The following STARD9 variants were observed in gnomAD, a reference collection of about 807,000 sequenced individuals.
The protein encoded by STARD9 is stAR-related lipid transfer protein 9.
STARD9 carries 346 observed loss-of-function variants against 399.8 expected under a neutral mutation model. The ratio of observed to expected loss-of-function variants is 0.87; its 90% CI spans 0.79 to 0.95. The LOEUF is 0.95. Among genes scored for constraint, STARD9 ranks in the 40% least tolerant of loss-of-function variants. The pLI is 0.00. For missense variants in STARD9, 5,832 were observed against 5,667.5 expected (o/e 1.03, Z -0.93); for synonymous variants, 2,203 against 2,143.5 (o/e 1.03, Z -0.77).
At chr15:42,594,708 A>G (rs1189228029) in intron 3 of STARD9, among the ~76,000 whole-genome samples, 2 of 152,110 alleles carry the variant, frequency 1.3e-5, no homozygotes, top group Non-Finnish European at 2.9e-5. Context: ...CCTGTTGTTT[A>G]TTCTAATGGT....
chr15:42,699,975 G>C (rs1220000118), intron 26 of STARD9, among the ~76,000 whole-genome samples: 1 of 152,146 alleles, frequency 6.6e-6, no homozygotes, highest in Non-Finnish European at 1.5e-5. Flanking sequence ...TCAAAGCGTT[G>C]GGGTTACAGG....
intron 3 of STARD9, among the ~76,000 whole-genome samples, chr15:42,620,306 CTA>C (rs1491285517): frequency 1.3e-5 from 2 of 150,588 alleles, no homozygotes; most frequent in African/African-American, 2.4e-5. Context: ...TTTTCCGAGA[CTA>C]TGTCTCTACA....
chr15:42,610,880 A>G (rs1016006305), intron 3 of STARD9, among the ~76,000 whole-genome samples: 1 of 152,148 alleles, frequency 6.6e-6, no homozygotes, highest in East Asian at 1.9e-4. Flanking sequence ...TAGATTACTC[A>G]CTGTTGAGTT....
Position 42,692,862 on chromosome 15 carries a change from G to A in STARD9, c.11284G>A (p.Glu3762Lys), listed in dbSNP as rs1312294478. The A allele has an allele frequency of 2.0e-6, 3 of 1,537,244 alleles. No homozygotes were observed. The highest frequency in any genetic ancestry group is 2.6e-6 in the Non-Finnish European group (3 of 1,146,908). Reference protein sequence around the residue: ...AEPQGANVILEGLGSDTSTVS... With the variant: ...AEPQGANVILKGLGSDTSTVS... The stretch of plus-strand genomic sequence containing the variant: ...ACCTCAGGGAGCCAATGTGATCCTT[G>A]AAGGGCTAGGCTCAGATACCTCGAC... Residue 3762 changes from glutamate to lysine, a missense_variant, in exon 23 of 33, where the codon GAA becomes AAA. By Grantham distance (56) the Glu-to-Lys change is moderately conservative. Coordinates refer to ENST00000290607, the MANE Select transcript of STARD9 (RefSeq NM_020759.3).
rs1166543652 is a variant in STARD9 at position 42,688,048 on chromosome 15, G to A, written c.6470G>A (p.Gly2157Asp). The change falls in exon 23 of 33, where the codon GGT becomes GAT. Residue 2157 changes from glycine (G) to aspartate (D), a missense_variant. Gly to Asp is a moderately conservative substitution (Grantham distance 94). This residue lies in a region of STARD9 where 5,828 missense variants were observed against 5,651.1 expected (regional missense o/e 1.03). Transcript: ENST00000290607. ...CCAAACCCCTTCAGGTCAAGGGAAG[G>A]TGTACGAGAGAGTGAACCTGTGAGA... The part of the protein sequence containing the change: ...ITPNPFRSRE[G>D]VRESEPVREH... 3 of 1,537,370 alleles carry A rather than the reference G, an allele frequency of 2.0e-6. No homozygotes were observed. The African/African-American group carries it at 4.1e-5, about 21-fold the overall frequency.
chr15:42,598,615 T>A (rs1283563287), intron 3 of STARD9, among the ~76,000 whole-genome samples: 3 of 152,150 alleles, frequency 2.0e-5, no homozygotes, highest in Admixed American at 2.0e-4. Flanking sequence ...ATATACATAT[T>A]TTGGGGGTAC....
Position 42,685,645 on chromosome 15 carries a change from C to T in STARD9, c.4067C>T (p.Ser1356Phe). ...NPSSPPGIVG[S>F]LCPSPDMQEF... ...AGCAGCCCCCCAGGAATAGTGGGTT[C>T]TTTATGTCCAAGTCCTGATATGCAG... is the stretch of plus-strand genomic sequence containing the variant. Residue 1356 changes from serine (S) to phenylalanine (F), a missense_variant, in exon 23 of 33, where the codon TCT becomes TTT. Physicochemically the swap from Ser to Phe is radical, Grantham distance 155. Around this residue, in one of 2 missense-constraint regions of STARD9, gnomAD observed 5,828 missense variants for 5,651.1 expected, o/e 1.03. Transcript: ENST00000290607. The T allele has an allele frequency of 6.5e-7, 1 of 1,537,226 alleles. No homozygotes were observed. Among genetic ancestry groups the T allele is most frequent in the East Asian group, 2.4e-5 (1 of 40,912 alleles).
intron 10 of STARD9, among the ~76,000 whole-genome samples, 178 bp downstream of exon 10, chr15:42,661,403 A>C (rs2059990828): frequency 6.6e-6 from 1 of 152,168 alleles, no homozygotes; most frequent in African/African-American, 2.4e-5. Context: ...CCTCTACATC[A>C]GGGATTCTCA....
Position 42,682,436 on chromosome 15 carries a change from G to A in STARD9, c.2398G>A (p.Asp800Asn), listed in dbSNP as rs1391273245. The change falls in exon 22 of 33, where the codon GAC becomes AAC. Residue 800 changes from aspartate to asparagine, a missense_variant. Coordinates refer to ENST00000290607, the MANE Select transcript of STARD9 (RefSeq NM_020759.3). ...KLTTLCWLQD[D>N]STQEPPYQVL... Reference sequence around the variant, plus strand: ...CACGACATTGTGCTGGCTCCAGGATGACAGCACCCAGGAGCCCCCATACCA... The same window carrying A: ...CACGACATTGTGCTGGCTCCAGGATAACAGCACCCAGGAGCCCCCATACCA... 38 of 1,537,074 alleles carry A rather than the reference G, an allele frequency of 2.5e-5. No homozygotes were observed. The Admixed American group carries it at 7.3e-4, about 29-fold the overall frequency.
At position 42,684,490 on chromosome 15, in the gene STARD9, C is replaced by T. The variant is rs1210314557; in HGVS notation, c.2912C>T (p.Thr971Ile). 1 of 1,537,082 alleles carries T rather than the reference C, an allele frequency of 6.5e-7. No individual in the cohort carries two copies. Among genetic ancestry groups the T allele is most frequent in the Non-Finnish European group, 8.7e-7 (1 of 1,146,882 alleles). Residue 971 changes from threonine to isoleucine, a missense_variant, in exon 23 of 33, where the codon ACT becomes ATT. Thr to Ile is a moderately conservative substitution (Grantham distance 89). Transcript: ENST00000290607. ...CATGAGCCAAAGATCTTCACCTCTA[C>T]TACCCAGACCAGAGGGGCGAAGGGA... ...PRHEPKIFTS[T>I]TQTRGAKGLA...
rs1677909775 is a variant in STARD9, at chr15:42,687,918, C to T, written c.6340C>T (p.Pro2114Ser). The change falls in exon 23 of 33, where the codon CCA becomes TCA. Residue 2114 changes from proline to serine, a missense_variant. Physicochemically the swap from Pro to Ser is moderately conservative, Grantham distance 74. Transcript: ENST00000290607. ...SGNPLPSKDQPSSPRQTDDTV... is the reference protein window; with the variant it reads ...SGNPLPSKDQSSSPRQTDDTV... The stretch of plus-strand genomic sequence containing the variant: ...AAACCCTTTGCCCTCTAAGGATCAG[C>T]CATCTTCTCCAAGACAGACAGATGA... The T allele has an allele frequency of 1.3e-6, 2 of 1,537,132 alleles. No homozygotes were observed. Among genetic ancestry groups the T allele is most frequent in the Non-Finnish European group, 1.7e-6 (2 of 1,146,950 alleles).
At chr15:42,680,619 A>AT (rs1426400811) in intron 20 of STARD9, among the ~76,000 whole-genome samples, 2 of 152,058 alleles carry the variant, frequency 1.3e-5, no homozygotes, top group Admixed American at 1.3e-4. Context: ...AAAAATCTAA[A>AT]TTTTTTTGTA....
At chr15:42,583,241 G>C in intron 1 of STARD9, 105 bp from the exon 2 acceptor site, 1 of 763,742 alleles carries the variant, frequency 1.3e-6, no homozygotes, top group Non-Finnish European at 2.1e-6. Flanking sequence ...CTTCTCTTAA[G>C]GGTACAGCAG....
At chr15:42,660,332 A>G (rs1368179367) in intron 9 of STARD9, among the ~76,000 whole-genome samples, 1 of 152,164 alleles carries the variant, frequency 6.6e-6, no homozygotes, top group Non-Finnish European at 1.5e-5. Context: ...TGGGAGGCCG[A>G]GGCAGGCAGA....
intron 9 of STARD9, 77 bp from the exon 10 acceptor site, chr15:42,661,081 C>T: frequency 9.2e-7 from 1 of 1,091,450 alleles, no homozygotes; most frequent in African/African-American, 1.6e-5. Context: ...CAAAATATCA[C>T]CTTGGTTAGA....
chr15:42,694,712 G>A lies in STARD9; in HGVS notation c.12949G>A (p.Val4317Met), dbSNP rs908307881. The A allele has an allele frequency of 1.3e-6, 2 of 1,537,114 alleles. No individual in the cohort carries two copies. The highest frequency in any genetic ancestry group is 1.4e-5 in the African/African-American group (1 of 73,026). Residue 4317 changes from valine to methionine, a missense_variant, in exon 24 of 33, where the codon GTG (valine) becomes ATG (methionine). By Grantham distance (21) the Val-to-Met change is conservative. Transcript: ENST00000290607. ...EYLQQLRKDV[V>M]ETTRSPESVS... ...CCTGCAGCAACTGAGGAAGGATGTT[G>A]TGGAGACCACCAGGTAGTGTGGACC...
intron 22 of STARD9, 120 bp from the exon 23 acceptor site, chr15:42,683,996 C>A: frequency 8.8e-7 from 1 of 1,136,564 alleles, no homozygotes; most frequent in Non-Finnish European, 1.2e-6. Flanking sequence ...ACCTGGAGAG[C>A]TTTTCTCTGG....
At chr15:42,711,055 C>T (rs1680494888) in intron 26 of STARD9, among the ~76,000 whole-genome samples, 1 of 151,600 alleles carries the variant, frequency 6.6e-6, no homozygotes, top group Admixed American at 6.6e-5. Context: ...ACAGCTCATT[C>T]TTACCTGCAA....
chr15:42,667,242 T>C (rs2060120277), intron 15 of STARD9, among the ~76,000 whole-genome samples: 2 of 151,756 alleles, frequency 1.3e-5, no homozygotes. Flanking sequence ...TGGAGTGCAA[T>C]GGTGCGATCT....
Sources: gnomAD v4.1 joint callset for allele counts (sites outside exome capture counted in the v4.1 genomes callset) on GRCh38, gnomAD v4.1.1 for gene constraint, gnomAD v4.1.1 regional missense constraint, MANE v1.5 for transcripts, NCBI Gene and HGNC (gene_info 2026-07-23, HGNC 2026-07-21) for gene names.